Variants in CNTN5 observed in about 807,000 individuals in gnomAD.
CNTN5 encodes the protein contactin 5, also known as contactin-5.
Under a neutral mutation model 129.1 loss-of-function variants are expected in CNTN5, and 77 were observed. That is an observed-to-expected ratio of 0.60 (90% CI 0.50 to 0.72). The LOEUF is 0.72. Ranked by LOEUF, CNTN5 falls within the 30% of genes least tolerant of loss-of-function variation. CNTN5 has a pLI of 0.00. For synonymous variants in CNTN5, 509 were observed against 465.6 expected, an observed-to-expected ratio of 1.09 and a Z score of -1.20; for missense variants, 1,478 against 1,328.8, an observed-to-expected ratio of 1.11 and a Z score of -1.75.
At chr11:99,700,483 C>T (rs1408942530) in intron 3 of CNTN5, among the ~76,000 whole-genome samples, 1 of 151,334 alleles carries the variant, frequency 6.6e-6, no homozygotes, top group African/African-American at 2.4e-5. Context: ...ACATACATTA[C>T]ATGATTTTGT....
At chr11:99,075,986 A>G (rs1198891372) in intron 1 of CNTN5, among the ~76,000 whole-genome samples, 2 of 152,190 alleles carry the variant, frequency 1.3e-5, no homozygotes, top group Non-Finnish European at 1.5e-5. Context: ...TTGCTGCCAT[A>G]TGCTTGACTT....
At chr11:99,060,366 ATAT>A (rs1288641764) in intron 1 of CNTN5, among the ~76,000 whole-genome samples, 1 of 152,154 alleles carries the variant, frequency 6.6e-6, no homozygotes, top group Non-Finnish European at 1.5e-5. Context: ...TGCAAAATGT[ATAT>A]TATCTGAGAA....
intron 2 of CNTN5, among the ~76,000 whole-genome samples, chr11:99,424,795 G>C (rs545080668): frequency 5.3e-5 from 8 of 152,344 alleles, no homozygotes; most frequent in African/African-American, 1.7e-4. Context: ...CCCTGTTTGT[G>C]TTACAGCTCT....
At chr11:99,269,110 G>A (rs1591447221) in intron 1 of CNTN5, among the ~76,000 whole-genome samples, 2 of 151,852 alleles carry the variant, frequency 1.3e-5, no homozygotes, top group South Asian at 2.1e-4. Context: ...TCATCCTGTC[G>A]AAGTGCCAAA....
chr11:100,045,426 G>C (rs530900717), intron 9 of CNTN5, among the ~76,000 whole-genome samples: 3 of 151,878 alleles, frequency 2.0e-5, no homozygotes, highest in African/African-American at 7.3e-5. Flanking sequence ...CCAAAGATTA[G>C]AGATAGAAGA....
At chr11:99,713,596 G>A (rs1382009349) in intron 3 of CNTN5, among the ~76,000 whole-genome samples, 1 of 151,864 alleles carries the variant, frequency 6.6e-6, no homozygotes, top group Non-Finnish European at 1.5e-5. Flanking sequence ...ATTGCTTTCA[G>A]TATCATAAAT....
chr11:99,223,547 G>A (rs1395235595), intron 1 of CNTN5, among the ~76,000 whole-genome samples: 5 of 152,122 alleles, frequency 3.3e-5, no homozygotes, highest in East Asian at 1.9e-4. Flanking sequence ...AGTACAAGGA[G>A]TTTTAAGTAG....
chr11:99,968,195 A>G lies in CNTN5; in HGVS notation c.877+11186A>G, dbSNP rs141614805. 2.0e-5 allele frequency among the ~76,000 whole-genome samples: 3 copies of G among 152,292 alleles called. No homozygotes were observed. The East Asian group carries it at 5.8e-4, about 29-fold the overall frequency. ...CGTCTCTGGAGTTAGATAGTGTAGT[A>G]GAGAGATTTCAATTAGTAACTTAAG... On this transcript the variant is annotated intron_variant, in intron 8 of 24. Coordinates refer to ENST00000524871, the MANE Select transcript of CNTN5 (RefSeq NM_014361.4).
At chr11:100,145,882 G>T (rs566877502) in intron 13 of CNTN5, among the ~76,000 whole-genome samples, 1 of 152,170 alleles carries the variant, frequency 6.6e-6, no homozygotes, top group South Asian at 2.1e-4. Context: ...TTCTGTGATC[G>T]TCCCCAAATC....
intron 3 of CNTN5, among the ~76,000 whole-genome samples, chr11:99,646,342 A>G (rs1007953812): frequency 2.0e-5 from 3 of 152,178 alleles, no homozygotes; most frequent in South Asian, 2.1e-4. Context: ...CTTTTTTGCT[A>G]TAAGTCAAAT....
intron 3 of CNTN5, among the ~76,000 whole-genome samples, chr11:99,616,846 C>T (rs1011397650): frequency 6.6e-6 from 1 of 152,218 alleles, no homozygotes; most frequent in African/African-American, 2.4e-5. Flanking sequence ...TGCAGTGGCT[C>T]ACGCCTGTAA....
intron 3 of CNTN5, among the ~76,000 whole-genome samples, chr11:99,559,386 C>T (rs1948768444): frequency 6.6e-6 from 1 of 152,076 alleles, no homozygotes; most frequent in South Asian, 2.1e-4. Context: ...GAACTCTTAC[C>T]TAACTCTATG....
chr11:99,152,948 T>A (rs1465555586), intron 1 of CNTN5, among the ~76,000 whole-genome samples: 1 of 152,222 alleles, frequency 6.6e-6, no homozygotes, highest in Admixed American at 6.5e-5. Context: ...TCTCTTTTCT[T>A]TATAAATGCT....
At chr11:99,312,351 G>C (rs1268938745) in intron 1 of CNTN5, among the ~76,000 whole-genome samples, 3 of 151,996 alleles carry the variant, frequency 2.0e-5, no homozygotes, top group Admixed American at 6.6e-5. Flanking sequence ...TTGAATAGAG[G>C]CAAATTATAT....
intron 2 of CNTN5, among the ~76,000 whole-genome samples, chr11:99,511,987 A>G (rs1374127594): frequency 6.6e-6 from 1 of 152,130 alleles, no homozygotes; most frequent in Non-Finnish European, 1.5e-5. Context: ...AATTACAGTA[A>G]GCTAAGGCTA....
chr11:99,598,214 C>A (rs551930251), intron 3 of CNTN5, among the ~76,000 whole-genome samples: 4 of 132,430 alleles, frequency 3.0e-5, no homozygotes, highest in Admixed American at 7.9e-5. Flanking sequence ...AGGCGGGAAC[C>A]TTTTCTTCCT....
chr11:99,988,001 G>C (rs147575699), intron 8 of CNTN5, among the ~76,000 whole-genome samples: 2,009 of 152,250 alleles, frequency 0.013, 24 homozygotes, highest in South Asian at 0.024. Flanking sequence ...TTTACATCTA[G>C]AGTCTTTAAT....
chr11:99,427,219 T>C (rs1565573118), intron 2 of CNTN5, among the ~76,000 whole-genome samples: 1 of 152,300 alleles, frequency 6.6e-6, no homozygotes, highest in South Asian at 2.1e-4. Flanking sequence ...TTCAGTTTCA[T>C]AGAACAATTT....
At chr11:99,319,113 A>G (rs1865459618) in intron 1 of CNTN5, among the ~76,000 whole-genome samples, 1 of 152,180 alleles carries the variant, frequency 6.6e-6, no homozygotes, top group Non-Finnish European at 1.5e-5. Flanking sequence ...ACAAAAAACT[A>G]TCTTGACATC....
Sources: allele counts gnomAD v4.1 joint callset (sites outside exome capture counted in the v4.1 genomes callset), GRCh38; gene constraint gnomAD v4.1.1; transcripts MANE v1.5; gene names NCBI Gene and HGNC (gene_info 2026-07-23, HGNC 2026-07-21).